The following PTPRS variants were observed in gnomAD, a reference collection of about 807,000 sequenced individuals.
The protein encoded by PTPRS is protein tyrosine phosphatase receptor type S.
In PTPRS, 63 loss-of-function variants were observed where a neutral mutation model predicts 215.3. The ratio of observed to expected loss-of-function variants is 0.29; its 90% CI spans 0.24 to 0.36. The LOEUF (loss-of-function observed/expected upper bound fraction) is 0.36. PTPRS is among the 10% of genes least tolerant of loss of function. The probability of loss-of-function intolerance (pLI) is 1.00; values close to 1 mark genes in which losing one functional copy is unlikely to be tolerated. For missense variants in PTPRS, 2,258 were observed against 2,825.8 expected, an observed-to-expected ratio of 0.80 and a Z score of 4.56; for synonymous variants, 1,404 against 1,191.4, an observed-to-expected ratio of 1.18 and a Z score of -3.68.
chr19:5,243,389 G>A (rs10417183), intron 11 of PTPRS, among the ~76,000 whole-genome samples: 8,693 of 152,052 alleles, frequency 0.057, 303 homozygotes, highest in Non-Finnish European at 0.068. Context: ...ACTCGCCTCC[G>A]ACTCCCAAAA....
chr19:5,297,107 G>A (rs144790028), intron 1 of PTPRS, among the ~76,000 whole-genome samples: 24 of 152,224 alleles, frequency 1.6e-4, no homozygotes, highest in East Asian at 1.5e-3. Flanking sequence ...CGCCTACTCC[G>A]TGCCCTTGGG....
chr19:5,212,459 C>G lies in PTPRS; in HGVS notation c.4647G>C (p.Gln1549His). Residue 1549 changes from glutamine to histidine, a missense_variant, in exon 31 of 38, where the codon CAG becomes CAC. Gln to His is a conservative substitution (Grantham distance 24). Transcript: ENST00000262963. ...NGSSEKREVR[Q>H]FQFTAWPDHG... ...GGTCCGGCCACGCCGTAAACTGGAA[C>G]TGGCGGACCTCGCGTTTCTCACTGG... The G allele has an allele frequency of 1.0e-5, 16 of 1,599,618 alleles. No homozygotes were observed. The highest frequency in any genetic ancestry group is 1.4e-5 in the Non-Finnish European group (16 of 1,173,020).
rs1366446644 is a variant in PTPRS, at chr19:5,293,145, C to A, written c.-94-6911G>T. ...GGGGGTCCCGGGCGCACTCACCCCG[C>A]GGCTCGGAGATCGGGCCCAGGCCCC... On this transcript the variant is annotated intron_variant, in intron 1 of 37. Coordinates refer to ENST00000262963, the MANE Select transcript of PTPRS (RefSeq NM_002850.4). This position sits in a 1 kb window ranked among gnomAD's most constrained non-coding sequence, Gnocchi z 8.4. The A allele has an allele frequency of 6.6e-6, 1 of 151,760 alleles. No individual in the cohort carries two copies. Among genetic ancestry groups the A allele is most frequent in the East Asian group, 2.0e-4 (1 of 5,084 alleles). The allele number at this position is 151,760 out of a possible 1,614,324, so 9.4% of individuals were successfully genotyped here. A position where few individuals can be genotyped will look rare whatever the true frequency, so the allele number is the denominator to read the frequency against.
At position 5,205,770 on chromosome 19, in the gene PTPRS, G is replaced by C. The variant is rs1323460491; in HGVS notation, c.*1004C>G. ...CAGCCATACAGCCACTGTCCCCGAAGAAGTAGGATCCTCTCTGTCTCCTTG... is the reference window on the plus strand; with the variant it reads ...CAGCCATACAGCCACTGTCCCCGAACAAGTAGGATCCTCTCTGTCTCCTTG... On this transcript the variant is annotated 3_prime_UTR_variant, in exon 38 of 38. Coordinates refer to ENST00000262963, the MANE Select transcript of PTPRS (RefSeq NM_002850.4). 6.6e-6 allele frequency among the ~76,000 whole-genome samples: 1 copy of C among 152,080 alleles called. No individual in the cohort carries two copies. Among genetic ancestry groups the C allele is most frequent in the African/African-American group, 2.4e-5 (1 of 41,416 alleles).
chr19:5,222,233 C>T lies in PTPRS; in HGVS notation c.3104-13G>A, dbSNP rs201451051. 119 of 1,607,390 alleles carry T rather than the reference C, an allele frequency of 7.4e-5. No individual in the cohort carries two copies. In the African/African-American group the frequency reaches 8.1e-4, roughly 11 times the overall value. On this transcript the variant is annotated splice_polypyrimidine_tract_variant and intron_variant, in intron 18 of 37. Coordinates refer to ENST00000262963, the MANE Select transcript of PTPRS (RefSeq NM_002850.4). ...TTCTTGGGCGAGACTGCCGGGGAGG[C>T]GGCCGAGCAGGGAGAGAGCAGAAGA...
chr19:5,337,912 T>C (rs1275525392), intron 1 of PTPRS, among the ~76,000 whole-genome samples: 1 of 152,062 alleles, frequency 6.6e-6, no homozygotes, highest in African/African-American at 2.4e-5. Context: ...AGTGATTTTT[T>C]TTTCTCTGCT....
intron 9 of PTPRS, among the ~76,000 whole-genome samples, chr19:5,248,119 C>T (rs1263649972): frequency 2.6e-5 from 4 of 151,434 alleles, no homozygotes; most frequent in African/African-American, 4.9e-5. Flanking sequence ...CCAGCGGACG[C>T]GGTCCAGGCC....
chr19:5,289,087 C>T (rs1474664248), intron 1 of PTPRS, among the ~76,000 whole-genome samples: 2 of 152,282 alleles, frequency 1.3e-5, no homozygotes, highest in Admixed American at 1.3e-4. Flanking sequence ...GGTTCAGACA[C>T]TACCAAAGAC....
rs780122692 is a variant in PTPRS, at chr19:5,220,252, GC to G, written c.3549+7del. ...CTGGGCCCTGCGGGTTGGGCCCCAG[GC>G]CCTCACCTCTTCCAGATCCATGTCC... On this transcript the variant is annotated splice_region_variant and intron_variant, in intron 21 of 37. Transcript: ENST00000262963. 6.2e-7 allele frequency: 1 copy of G among 1,613,332 alleles called. No individual in the cohort carries two copies. Among genetic ancestry groups the G allele is most frequent in the African/African-American group, 1.3e-5 (1 of 74,928 alleles).
intron 9 of PTPRS, among the ~76,000 whole-genome samples, chr19:5,251,791 G>A (rs1388946343): frequency 6.6e-6 from 1 of 152,138 alleles, no homozygotes; most frequent in African/African-American, 2.4e-5. Context: ...GGATGAGAAG[G>A]TCTGGGTCTG....
intron 1 of PTPRS, among the ~76,000 whole-genome samples, chr19:5,290,683 C>T (rs1169836752): frequency 6.6e-6 from 1 of 152,004 alleles, no homozygotes; most frequent in Non-Finnish European, 1.5e-5. Flanking sequence ...GTCTGGGGGC[C>T]TAGTCCTAAC....
intron 1 of PTPRS, among the ~76,000 whole-genome samples, chr19:5,305,769 T>A (rs373523114): frequency 0.15 from 18,654 of 121,920 alleles, 1,740 homozygotes; most frequent in Non-Finnish European, 0.23. Context: ...ATATATATTT[T>A]TTTTTTAAAG....
At chr19:5,279,585 G>C (rs947253456) in intron 2 of PTPRS, among the ~76,000 whole-genome samples, 1 of 151,960 alleles carries the variant, frequency 6.6e-6, no homozygotes. Flanking sequence ...TTCCCAGGCT[G>C]GTCTGGAACT....
At chr19:5,239,502 GGAGA>G (rs1405194945) in intron 12 of PTPRS, among the ~76,000 whole-genome samples, 1 of 151,684 alleles carries the variant, frequency 6.6e-6, no homozygotes, top group African/African-American at 2.4e-5. Context: ...GACAGAAACA[GGAGA>G]GAGATACAGA....
chr19:5,241,960 T>A (rs986568093), intron 11 of PTPRS, among the ~76,000 whole-genome samples: 6 of 152,078 alleles, frequency 3.9e-5, no homozygotes, highest in African/African-American at 1.4e-4. Flanking sequence ...CTCAGCCTCT[T>A]GAGTAGCTGG....
intron 4 of PTPRS, among the ~76,000 whole-genome samples, chr19:5,272,595 C>CAAAAAAAAAAAAAAAAAAAAAAA (rs10527451): frequency 2.0e-4 from 15 of 73,440 alleles, no homozygotes; most frequent in East Asian, 4.9e-4. Flanking sequence ...AAGACTGTCT[C>CAAAAAAAAAAAAAAAAAAAAAAA]AAAAAAAAAA....
chr19:5,222,197 T>G lies in PTPRS; in HGVS notation c.3127A>C (p.Lys1043Gln), dbSNP rs1211765615. The G allele has an allele frequency of 6.2e-7, 1 of 1,613,860 alleles. No homozygotes were observed. Among genetic ancestry groups the G allele is most frequent in the South Asian group, 1.1e-5 (1 of 91,092 alleles). Reference protein sequence around the residue: ...DQVSPKNFKVKMIMKTSVLLS... With the variant: ...DQVSPKNFKVQMIMKTSVLLS... ...AGAACTGATGTCTTCATGATCATTT[T>G]CACCTTGAAGTTCTTGGGCGAGACT... is the stretch of plus-strand genomic sequence containing the variant. Residue 1043 changes from lysine to glutamine, a missense_variant, in exon 19 of 38, where the codon AAA (lysine) becomes CAA (glutamine). By Grantham distance (53) the Lys-to-Gln change is moderately conservative (BLOSUM62 1). Transcript: ENST00000262963.
At chr19:5,218,592 C>T in intron 24 of PTPRS, 60 bp from the exon 25 acceptor site, 1 of 1,560,476 alleles carries the variant, frequency 6.4e-7, no homozygotes, top group Non-Finnish European at 8.8e-7. Flanking sequence ...TGTGTGAACA[C>T]AATTCAGGCC....
chr19:5,215,639 G>A (rs368566913), intron 26 of PTPRS, 44 bp from the exon 27 acceptor site: 16 of 1,381,958 alleles, frequency 1.2e-5, no homozygotes, highest in Non-Finnish European at 1.5e-5. Context: ...CACTTGGGGG[G>A]CCAGCCGGGG....
Sources: allele counts gnomAD v4.1 joint callset (sites outside exome capture counted in the v4.1 genomes callset), GRCh38; gene constraint gnomAD v4.1.1; non-coding constraint Gnocchi (gnomAD v3.1); transcripts MANE v1.5; gene names NCBI Gene and HGNC (gene_info 2026-07-23, HGNC 2026-07-21).